Variants in LRRC4C observed in about 807,000 individuals in gnomAD.
LRRC4C encodes the protein leucine rich repeat containing 4C.
LRRC4C carries 5 observed loss-of-function variants against 33.6 expected under a neutral mutation model. The observed-to-expected ratio is 0.15, with a 90% CI of 0.08 to 0.31. The LOEUF (loss-of-function observed/expected upper bound fraction) is 0.31. Among genes scored for constraint, LRRC4C ranks in the 10% least tolerant of loss-of-function variants. The probability of loss-of-function intolerance (pLI) is 1.00; values close to 1 mark genes in which losing one functional copy is unlikely to be tolerated. For missense variants in LRRC4C, 560 were observed against 796.7 expected (o/e 0.70, Z 3.58); for synonymous variants, 329 against 302.0 (o/e 1.09, Z -0.93).
intron 1 of LRRC4C, among the ~76,000 whole-genome samples, chr11:41,104,612 G>C (rs1200446122): frequency 6.6e-6 from 1 of 151,784 alleles, no homozygotes; most frequent in Non-Finnish European, 1.5e-5. Context: ...CTGCTCCTAG[G>C]TGTTTACTTG....
intron 5 of LRRC4C, among the ~76,000 whole-genome samples, chr11:40,180,954 C>A (rs565048501): frequency 6.6e-6 from 1 of 152,278 alleles, no homozygotes; most frequent in South Asian, 2.1e-4. Flanking sequence ...ATAATCACCA[C>A]AAACAGCATA....
chr11:40,126,674 T>G (rs1313779482), intron 6 of LRRC4C, among the ~76,000 whole-genome samples: 2 of 152,038 alleles, frequency 1.3e-5, no homozygotes, highest in Non-Finnish European at 2.9e-5. Flanking sequence ...AAGAAGAGAA[T>G]TTGGGGACGG....
chr11:40,426,551 G>T (rs1170577021), intron 3 of LRRC4C, among the ~76,000 whole-genome samples: 2 of 152,078 alleles, frequency 1.3e-5, no homozygotes, highest in African/African-American at 2.4e-5. Flanking sequence ...ACTTAGCTCT[G>T]CAGCTACCGA....
At chr11:40,784,080 T>TTTTATATA (rs1554959488) in intron 2 of LRRC4C, among the ~76,000 whole-genome samples, 2 of 150,688 alleles carry the variant, frequency 1.3e-5, no homozygotes, top group African/African-American at 2.5e-5. Flanking sequence ...AGATGTTTAT[T>TTTTATATA]TATATATATA....
chr11:41,341,107 A>C (rs1951621542), intron 1 of LRRC4C, among the ~76,000 whole-genome samples: 1 of 151,500 alleles, frequency 6.6e-6, no homozygotes. Context: ...GAAAGTGATG[A>C]TGTTGTCCTG....
At chr11:40,414,608 G>T (rs1170354690) in intron 3 of LRRC4C, among the ~76,000 whole-genome samples, 9 of 152,070 alleles carry the variant, frequency 5.9e-5, no homozygotes, top group Admixed American at 1.3e-4. Flanking sequence ...AATCTCTATT[G>T]GCTTTGACAC....
Position 40,360,752 on chromosome 11 carries a change from G to A in LRRC4C, c.-269-41031C>T, listed in dbSNP as rs527855579. Among the ~76,000 whole-genome samples, 5 of 152,178 alleles carry A rather than the reference G, an allele frequency of 3.3e-5. 1 individual carries two copies. Among genetic ancestry groups the A allele is most frequent in the African/African-American group, 1.2e-4 (5 of 41,532 alleles). ...GACTCCTCCCTAACTCATTCTATAA[G>A]GCCAGCATCATCCCGATATCAAAAC... On this transcript the variant is annotated intron_variant, in intron 3 of 6. Coordinates refer to ENST00000528697, the MANE Select transcript of LRRC4C (RefSeq NM_001258419.2).
chr11:40,686,299 A>G (rs1309092114), intron 2 of LRRC4C, among the ~76,000 whole-genome samples: 1 of 152,034 alleles, frequency 6.6e-6, no homozygotes, highest in Non-Finnish European at 1.5e-5. Flanking sequence ...TATGAGTTCC[A>G]CAGCCCAGCA....
intron 1 of LRRC4C, among the ~76,000 whole-genome samples, chr11:41,162,568 C>G (rs543244812): frequency 6.6e-6 from 1 of 152,254 alleles, no homozygotes; most frequent in East Asian, 1.9e-4. Flanking sequence ...TAGCCTATTG[C>G]TCCTTAGGCT....
intron 2 of LRRC4C, among the ~76,000 whole-genome samples, chr11:40,671,424 CTTAA>C (rs1353631752): frequency 6.6e-6 from 1 of 152,116 alleles, no homozygotes; most frequent in Non-Finnish European, 1.5e-5. Context: ...ATTTAATAAA[CTTAA>C]TTAAAGGATT....
intron 1 of LRRC4C, among the ~76,000 whole-genome samples, chr11:41,236,277 G>A (rs1427602387): frequency 2.0e-5 from 3 of 152,022 alleles, no homozygotes; most frequent in African/African-American, 7.2e-5. Flanking sequence ...AGCCTGAGAT[G>A]AACACCTCCT....
intron 3 of LRRC4C, among the ~76,000 whole-genome samples, chr11:40,411,049 T>C (rs1284414118): frequency 6.6e-6 from 1 of 152,072 alleles, no homozygotes; most frequent in African/African-American, 2.4e-5. Context: ...AGAACATTGG[T>C]GATTGACAAA....
At chr11:40,325,833 T>G (rs1301997674) in intron 3 of LRRC4C, among the ~76,000 whole-genome samples, 1 of 152,106 alleles carries the variant, frequency 6.6e-6, no homozygotes, top group Admixed American at 6.5e-5. Flanking sequence ...TTGGTGAAAT[T>G]AATGGTGTTC....
intron 3 of LRRC4C, among the ~76,000 whole-genome samples, chr11:40,603,543 G>T (rs1376261097): frequency 6.6e-6 from 1 of 152,172 alleles, no homozygotes; most frequent in Admixed American, 6.5e-5. Flanking sequence ...AGCAGATGGT[G>T]GCTAAATGTC....
chr11:41,220,533 TACACACACAC>T (rs3067232), intron 1 of LRRC4C, among the ~76,000 whole-genome samples: 8 of 144,268 alleles, frequency 5.5e-5, no homozygotes, highest in Admixed American at 1.4e-4. Flanking sequence ...CACACAGACA[TACACACACAC>T]ACACACACAC....
At chr11:41,299,435 T>C (rs1391758447) in intron 1 of LRRC4C, among the ~76,000 whole-genome samples, 1 of 152,162 alleles carries the variant, frequency 6.6e-6, no homozygotes, top group African/African-American at 2.4e-5. Flanking sequence ...TTTAATTTCC[T>C]ACCTACTTGA....
intron 1 of LRRC4C, among the ~76,000 whole-genome samples, chr11:41,313,419 C>G (rs1013158675): frequency 6.6e-6 from 1 of 152,144 alleles, no homozygotes; most frequent in African/African-American, 2.4e-5. Flanking sequence ...AGAATTGAAC[C>G]ACCATATTTC....
intron 3 of LRRC4C, among the ~76,000 whole-genome samples, chr11:40,402,790 C>T (rs1275292005): frequency 1.3e-5 from 2 of 152,024 alleles, no homozygotes; most frequent in East Asian, 3.9e-4. Context: ...GTTTTTTCAT[C>T]CTCATGAAAT....
At chr11:40,189,692 T>C (rs544072901) in intron 5 of LRRC4C, among the ~76,000 whole-genome samples, 1 of 152,310 alleles carries the variant, frequency 6.6e-6, no homozygotes, top group Non-Finnish European at 1.5e-5. Context: ...TAAGTTTTAT[T>C]TTACTTAAAT....
Sources: gnomAD v4.1 joint callset for allele counts (sites outside exome capture counted in the v4.1 genomes callset) on GRCh38, gnomAD v4.1.1 for gene constraint, MANE v1.5 for transcripts, NCBI Gene and HGNC (gene_info 2026-07-23, HGNC 2026-07-21) for gene names.